Variants in SPTBN1 observed in about 807,000 individuals in gnomAD.
The protein encoded by SPTBN1 is spectrin beta chain, non-erythrocytic 1.
In SPTBN1, 32 loss-of-function variants were observed where a neutral mutation model predicts 266.4. That is an observed-to-expected ratio of 0.12 (90% CI 0.09 to 0.16). The LOEUF (loss-of-function observed/expected upper bound fraction) is 0.16. Among genes scored for constraint, SPTBN1 ranks in the 10% least tolerant of loss-of-function variants. The pLI is 1.00. For synonymous variants in SPTBN1, 1,336 were observed against 1,162.2 expected, an observed-to-expected ratio of 1.15 and a Z score of -3.04; for missense variants, 2,296 against 3,067.1, an observed-to-expected ratio of 0.75 and a Z score of 5.94.
intron 1 of SPTBN1, among the ~76,000 whole-genome samples, chr2:54,498,767 A>G (rs1309415569): frequency 6.6e-6 from 1 of 152,188 alleles, no homozygotes; most frequent in African/African-American, 2.4e-5. Flanking sequence ...CAGAAAAGTC[A>G]TTTATTTGAT....
In SPTBN1 at chr2:54,622,362, CCTT is replaced by C. The variant is rs1558437204; in HGVS notation, c.942_944del (p.Leu315del). On this transcript the variant is annotated inframe_deletion, in exon 9 of 36. Coordinates refer to ENST00000356805, the MANE Select transcript of SPTBN1 (RefSeq NM_003128.3). ...AAAAGTATGAATCACTTGCCTCTGA[CCTT>C]CTGGAATGGATTGAACAAACCATCA... 2.5e-6 allele frequency: 4 copies of C among 1,614,180 alleles called. No homozygotes were observed. Among genetic ancestry groups the C allele is most frequent in the Non-Finnish European group, 3.4e-6 (4 of 1,180,028 alleles).
rs773548061 is a variant in SPTBN1 at position 54,629,756 on chromosome 2, C to G, written c.2622C>G (p.Asn874Lys). 3.7e-6 allele frequency: 6 copies of G among 1,611,104 alleles called. No individual in the cohort carries two copies. Reference protein sequence around the residue: ...WIDEKEQWLNNMQIPEKLEDL... With the variant: ...WIDEKEQWLNKMQIPEKLEDL... ...ACGAGAAGGAGCAGTGGCTCAACAA[C>G]ATGCAGATCCCAGAGAAGCTGGAGG... Residue 874 changes from asparagine (N) to lysine (K), a missense_variant, in exon 14 of 36, where the codon AAC becomes AAG. Physicochemically the swap from Asn to Lys is moderately conservative, Grantham distance 94. Around this residue, in one of 12 missense-constraint regions of SPTBN1, gnomAD observed 434 missense variants for 573.9 expected, o/e 0.76. Transcript: ENST00000356805.
In SPTBN1 at chr2:54,646,550, G is replaced by T; in HGVS notation, c.4866+75G>T. ...ACCCTGGGCACACTTTCTGCTGGCG[G>T]CTCTGTCTGTATAAAAACTTCCCTT... On this transcript the variant is annotated intron_variant, in intron 23 of 35. Transcript: ENST00000356805. The surrounding 1 kb of genome is among the most constrained non-coding windows in gnomAD (Gnocchi z 4.4). 7.1e-7 allele frequency: 1 copy of T among 1,416,876 alleles called. No homozygotes were observed. Among genetic ancestry groups the T allele is most frequent in the Admixed American group, 3.0e-5 (1 of 33,024 alleles). 87.8% of individuals were successfully genotyped at this position (1,416,876 alleles called of 1,614,324 possible).
intron 2 of SPTBN1, among the ~76,000 whole-genome samples, chr2:54,552,510 G>T (rs1672632707): frequency 6.6e-6 from 1 of 150,670 alleles, no homozygotes; most frequent in African/African-American, 2.4e-5. Flanking sequence ...AGGCTGGAGT[G>T]CAGTGGCGCG....
intron 18 of SPTBN1, among the ~76,000 whole-genome samples, chr2:54,640,635 C>T (rs1401846344): frequency 1.3e-5 from 2 of 152,082 alleles, no homozygotes; most frequent in Non-Finnish European, 2.9e-5. Context: ...CACTACAGCC[C>T]CCACCTCCCG....
chr2:54,659,093 C>T, intron 30 of SPTBN1, 61 bp from the exon 31 acceptor site: 1 of 1,587,242 alleles, frequency 6.3e-7, no homozygotes, highest in Non-Finnish European at 8.6e-7. Context: ...GTTCCTAGAA[C>T]CTTTTTCTGA....
intron 1 of SPTBN1, among the ~76,000 whole-genome samples, chr2:54,482,230 G>A (rs1668136840): frequency 6.6e-6 from 1 of 152,044 alleles, no homozygotes; most frequent in Admixed American, 6.6e-5. Flanking sequence ...AAATGCAGGT[G>A]TCAGCCGGGC....
At chr2:54,582,001 A>G (rs957229786) in intron 2 of SPTBN1, among the ~76,000 whole-genome samples, 5 of 152,192 alleles carry the variant, frequency 3.3e-5, no homozygotes, top group African/African-American at 7.2e-5. Context: ...CCTGTAAATT[A>G]TCAGCACCGA....
At chr2:54,634,766 C>T (rs149017567) in intron 17 of SPTBN1, among the ~76,000 whole-genome samples, 31 of 152,344 alleles carry the variant, frequency 2.0e-4, no homozygotes, top group African/African-American at 7.2e-4. Context: ...AATGTGCTTA[C>T]GTTCAGGAAG....
chr2:54,561,995 A>C (rs1673340630), intron 2 of SPTBN1, among the ~76,000 whole-genome samples: 1 of 151,838 alleles, frequency 6.6e-6, no homozygotes, highest in African/African-American at 2.4e-5. Flanking sequence ...CCAACACCCA[A>C]CACCCAACAC....
chr2:54,617,773 C>T (rs1261631486), intron 6 of SPTBN1, 85 bp downstream of exon 6: 9 of 1,393,156 alleles, frequency 6.5e-6, no homozygotes, highest in African/African-American at 5.7e-5. Flanking sequence ...TTTCCATATC[C>T]GTTGGCTTAA....
intron 1 of SPTBN1, among the ~76,000 whole-genome samples, chr2:54,511,490 G>C (rs888042288): frequency 1.3e-5 from 2 of 152,176 alleles, no homozygotes; most frequent in Non-Finnish European, 2.9e-5. Context: ...TCCACTGACG[G>C]GTTGTGGGGA....
chr2:54,575,791 C>T (rs1357811735), intron 2 of SPTBN1, among the ~76,000 whole-genome samples: 1 of 152,214 alleles, frequency 6.6e-6, no homozygotes, highest in Non-Finnish European at 1.5e-5. Context: ...AATCTGTCCA[C>T]AAACTTCTCA....
At chr2:54,576,077 GAC>G in intron 2 of SPTBN1, among the ~76,000 whole-genome samples, 1 of 13,336 alleles carries the variant, frequency 7.5e-5, no homozygotes, top group South Asian at 1.9e-3. Flanking sequence ...TTTTTTGAGA[GAC>G]AGTCTGGCTG....
intron 3 of SPTBN1, among the ~76,000 whole-genome samples, chr2:54,608,897 TAAAG>T (rs1677032761): frequency 6.6e-6 from 1 of 152,158 alleles, no homozygotes; most frequent in Non-Finnish European, 1.5e-5. Flanking sequence ...ACTGTAGTCT[TAAAG>T]TAAGCTAGGG....
chr2:54,578,529 A>G (rs1674646014), intron 2 of SPTBN1, among the ~76,000 whole-genome samples: 1 of 152,098 alleles, frequency 6.6e-6, no homozygotes, highest in South Asian at 2.1e-4. Context: ...TTTTCAGGCC[A>G]CCTTTTGAGT....
intron 16 of SPTBN1, 42 bp from the exon 17 acceptor site, chr2:54,632,524 C>T (rs773461276): frequency 6.3e-7 from 1 of 1,589,548 alleles, no homozygotes; most frequent in South Asian, 1.1e-5. Context: ...AAAATGAGAT[C>T]CTTCATTGAT....
intron 3 of SPTBN1, 44 bp downstream of exon 3, chr2:54,599,287 A>G (rs754040798): frequency 6.3e-7 from 1 of 1,598,088 alleles, no homozygotes. Context: ...TAGGTGGAAA[A>G]TATTTTTGAA....
chr2:54,668,714 G>A lies in SPTBN1; in HGVS notation c.*145G>A, dbSNP rs73934514. 1.0e-5 allele frequency: 7 copies of A among 683,524 alleles called. 1 individual carries two copies. Among genetic ancestry groups the A allele is most frequent in the African/African-American group, 1.9e-5 (1 of 52,350 alleles). The allele number at this position is 683,524 out of a possible 1,614,324, so 42.3% of individuals were successfully genotyped here. A position where few individuals can be genotyped will look rare whatever the true frequency, so the allele number is the denominator to read the frequency against. ...TTTTTTTAATTTATAGAGCATTTCG[G>A]GGGGGGTGGGGGAAACACACCTAAA... On this transcript the variant is annotated 3_prime_UTR_variant, in exon 36 of 36. Transcript: ENST00000356805.
Sources: gnomAD v4.1 joint callset for allele counts (sites outside exome capture counted in the v4.1 genomes callset) on GRCh38, gnomAD v4.1.1 for gene constraint, gnomAD v4.1.1 regional missense constraint, Gnocchi (gnomAD v3.1) non-coding constraint, MANE v1.5 for transcripts, NCBI Gene and HGNC (gene_info 2026-07-23, HGNC 2026-07-21) for gene names.